The following ALPP variants were observed in gnomAD, a reference collection of about 807,000 sequenced individuals.
ALPP encodes the protein alkaline phosphatase, placental type.
In ALPP, 39 loss-of-function variants were observed where a neutral mutation model predicts 50.7. That is an observed-to-expected ratio of 0.77 (90% confidence interval 0.60 to 1.00). ALPP has a LOEUF of 1.00. Among genes scored for constraint, ALPP ranks in the 50% least tolerant of loss-of-function variants. ALPP has a pLI of 0.00. For synonymous variants in ALPP, 226 were observed against 320.3 expected (o/e 0.71, Z 3.14); for missense variants, 550 against 746.8 (o/e 0.74, Z 3.07).
rs1269117429 is a variant in ALPP at position 232,379,785 on chromosome 2, C to A, written c.506C>A (p.Thr169Asn). The A allele has an allele frequency of 2.5e-6, 4 of 1,613,916 alleles. No individual in the cohort carries two copies. The East Asian group carries it at 6.7e-5, about 27-fold the overall frequency. The change falls in exon 5 of 11, where the codon ACC (threonine) becomes AAC (asparagine). Residue 169 changes from threonine (T) to asparagine (N), a missense_variant. Thr to Asn is a moderately conservative substitution (Grantham distance 65). Transcript: ENST00000392027. ...TTAGGGAAGTCAGTGGGAGTGGTAA[C>A]CACCACACGAGTGCAGCACGCCTCG... Reference protein sequence around the residue: ...KKAGKSVGVVTTTRVQHASPA... With the variant: ...KKAGKSVGVVNTTRVQHASPA...
Position 232,379,515 on chromosome 2 carries a change from A to G in ALPP, c.312A>G (p.Thr104=). 1 of 1,614,066 alleles carries G rather than the reference A, an allele frequency of 6.2e-7. No homozygotes were observed. Among genetic ancestry groups the G allele is most frequent in the Non-Finnish European group, 8.5e-7 (1 of 1,180,018 alleles). The part of the protein sequence containing the change: ...DRFPYVALSK[T]YNVDKHVPDS... ...GCTCAGAGTGTCTCTGTCCCCAGACATACAATGTAGACAAACATGTGCCAG... is the reference window on the plus strand; with the variant it reads ...GCTCAGAGTGTCTCTGTCCCCAGACGTACAATGTAGACAAACATGTGCCAG... The change falls in exon 4 of 11, where the codon ACA becomes ACG. Residue 104 remains threonine (T), a splice_region_variant and synonymous_variant. Transcript: ENST00000392027.
chr2:232,381,551 C>G lies in ALPP; in HGVS notation c.1364C>G (p.Ala455Gly), dbSNP rs375864640. 3 of 1,613,020 alleles carry G rather than the reference C, an allele frequency of 1.9e-6. No homozygotes were observed. The highest frequency in any genetic ancestry group is 2.5e-6 in the Non-Finnish European group (3 of 1,179,824). Residue 455 changes from alanine to glycine, a missense_variant, in exon 11 of 11, where the codon GCA (alanine) becomes GGA (glycine). By Grantham distance (60) the Ala-to-Gly change is moderately conservative. Coordinates refer to ENST00000392027, the MANE Select transcript of ALPP (RefSeq NM_001632.5). ...GTGCCCCTGGACGAAGAGACCCACGCAGGCGAGGACGTGGCGGTGTTCGCG... is the reference window on the plus strand; with the variant it reads ...GTGCCCCTGGACGAAGAGACCCACGGAGGCGAGGACGTGGCGGTGTTCGCG... ...SAVPLDEETH[A>G]GEDVAVFARG...
rs771571344 is a variant in ALPP, at chr2:232,379,132, G to A, written c.193+45G>A. On this transcript the variant is annotated intron_variant, in intron 2 of 10. Transcript: ENST00000392027. ...CAGCCCTGCAGCCCTCACAGCCCCG[G>A]CGCCCGGACCCTCAGTGGTTCCAGG... 5.6e-6 allele frequency: 9 copies of A among 1,613,938 alleles called. No individual in the cohort carries two copies. The African/African-American group carries it at 1.2e-4, about 22-fold the overall frequency.
Position 232,381,359 on chromosome 2 carries a change from G to A in ALPP, c.1301G>A (p.Ser434Asn). 1 of 1,614,196 alleles carries A rather than the reference G, an allele frequency of 6.2e-7. No individual in the cohort carries two copies. Among genetic ancestry groups the A allele is most frequent in the Non-Finnish European group, 8.5e-7 (1 of 1,180,032 alleles). The change falls in exon 10 of 11, where the codon AGC (serine) becomes AAC (asparagine). Residue 434 changes from serine (S) to asparagine (N), a missense_variant. By Grantham distance (46) the Ser-to-Asn change is conservative. Coordinates refer to ENST00000392027, the MANE Select transcript of ALPP (RefSeq NM_001632.5). ...GGCGCCCGGCCGGATGTTACCGAGA[G>A]CGAGAGCGGTGAGTGCCGCGGGGTG... ...KDGARPDVTE[S>N]ESGSPEYRQQ...
chr2:232,380,213 A>G lies in ALPP; in HGVS notation c.685A>G (p.Met229Val), dbSNP rs374484845. 1.9e-6 allele frequency: 3 copies of G among 1,614,064 alleles called. No homozygotes were observed. The highest frequency in any genetic ancestry group is 1.7e-6 in the Non-Finnish European group (2 of 1,179,976). The change falls in exon 6 of 11, where the codon ATG (methionine) becomes GTG (valine). Residue 229 changes from methionine (M) to valine (V), a missense_variant. Around this residue, in one of 5 missense-constraint regions of ALPP, gnomAD observed 376 missense variants for 388.5 expected, o/e 0.97. Transcript: ENST00000392027. ...DVILGGGRKY[M>V]FRMGTPDPEY... is the part of the protein sequence containing the mutation. The stretch of plus-strand genomic sequence containing the variant: ...GATCCTAGGTGGAGGCCGAAAGTAC[A>G]TGTTTCGCATGGGAACCCCAGACCC...
Position 232,379,284 on chromosome 2 carries a change from T to C in ALPP, c.278T>C (p.Met93Thr). 2 of 1,614,094 alleles carry C rather than the reference T, an allele frequency of 1.2e-6. No individual in the cohort carries two copies. The highest frequency in any genetic ancestry group is 8.5e-7 in the Non-Finnish European group (1 of 1,180,014). Residue 93 changes from methionine (M) to threonine (T), a missense_variant, in exon 3 of 11, where the codon ATG becomes ACG. Around this residue, in one of 5 missense-constraint regions of ALPP, gnomAD observed 376 missense variants for 388.5 expected, o/e 0.97. Transcript: ENST00000392027. ...CTGGGGCCTGAGATACCCCTGGCCA[T>C]GGACCGCTTCCCATATGTGGCTCTG... is the stretch of plus-strand genomic sequence containing the variant. ...DKLGPEIPLA[M>T]DRFPYVALSK...
rs769063397 is a variant in ALPP at position 232,379,274 on chromosome 2, C to A, written c.268C>A (p.Pro90Thr). The change falls in exon 3 of 11, where the codon CCC (proline) becomes ACC (threonine). Residue 90 changes from proline to threonine, a missense_variant. Pro to Thr is a conservative substitution (Grantham distance 38). Transcript: ENST00000392027. Reference protein sequence around the residue: ...QKKDKLGPEIPLAMDRFPYVA... With the variant: ...QKKDKLGPEITLAMDRFPYVA... ...GAAGGACAAACTGGGGCCTGAGATA[C>A]CCCTGGCCATGGACCGCTTCCCATA... The A allele has an allele frequency of 6.2e-7, 1 of 1,614,060 alleles. No individual in the cohort carries two copies. Among genetic ancestry groups the A allele is most frequent in the Admixed American group, 1.7e-5 (1 of 60,016 alleles).
chr2:232,381,628 G>C lies in ALPP; in HGVS notation c.1441G>C (p.Ala481Pro), dbSNP rs1696715756. Residue 481 changes from alanine (A) to proline (P), a missense_variant, in exon 11 of 11, where the codon GCG becomes CCG. Transcript: ENST00000392027. ...CGGCGTGCAGGAGCAGACCTTCATA[G>C]CGCACGTCATGGCCTTCGCCGCCTG... is the stretch of plus-strand genomic sequence containing the variant. ...VHGVQEQTFI[A>P]HVMAFAACLE... 6.2e-7 allele frequency: 1 copy of C among 1,612,298 alleles called. No individual in the cohort carries two copies. Among genetic ancestry groups the C allele is most frequent in the Non-Finnish European group, 8.5e-7 (1 of 1,179,598 alleles).
chr2:232,381,487 C>T lies in ALPP; in HGVS notation c.1310-10C>T, dbSNP rs769242375. Reference sequence around the variant, plus strand: ...TGAACCCTCCTACCGGAACTGAACCCTCCAACCAGGGAGCCCCGAGTATCG... The same window carrying T: ...TGAACCCTCCTACCGGAACTGAACCTTCCAACCAGGGAGCCCCGAGTATCG... On this transcript the variant is annotated splice_polypyrimidine_tract_variant and intron_variant, in intron 10 of 10. Coordinates refer to ENST00000392027, the MANE Select transcript of ALPP (RefSeq NM_001632.5). 22 of 1,612,950 alleles carry T rather than the reference C, an allele frequency of 1.4e-5. No homozygotes were observed. The highest frequency in any genetic ancestry group is 1.6e-5 in the Non-Finnish European group (19 of 1,179,758).
At position 232,379,061 on chromosome 2, in the gene ALPP, AG is replaced by A. The variant is rs763519727; in HGVS notation, c.168del (p.Asn57ThrfsTer15). 1.2e-6 allele frequency: 2 copies of A among 1,614,006 alleles called. No homozygotes were observed. Among genetic ancestry groups the A allele is most frequent in the East Asian group, 4.5e-5 (2 of 44,880 alleles). On this transcript the variant is annotated frameshift_variant, in exon 2 of 11. Coordinates refer to ENST00000392027, the MANE Select transcript of ALPP (RefSeq NM_001632.5). LOFTEE classifies it high-confidence loss of function. ...KKLQPAQTAA[K>X]NLIIFLGDGM... ...CTGCAGCCTGCACAGACAGCCGCCAAGAACCTCATCATCTTCCTGGGCGATG... is the reference window on the plus strand; with the variant it reads ...CTGCAGCCTGCACAGACAGCCGCCAAAACCTCATCATCTTCCTGGGCGATG...
chr2:232,381,726 C>G lies in ALPP; in HGVS notation c.1539C>G (p.Ser513=). 3 of 1,600,892 alleles carry G rather than the reference C, an allele frequency of 1.9e-6. No individual in the cohort carries two copies. Among genetic ancestry groups the G allele is most frequent in the Non-Finnish European group, 2.6e-6 (3 of 1,175,320 alleles). The change falls in exon 11 of 11, where the codon TCC becomes TCG. Residue 513 remains serine, a synonymous_variant. Coordinates refer to ENST00000392027, the MANE Select transcript of ALPP (RefSeq NM_001632.5). Reference sequence around the variant, plus strand: ...CCGACGCCGCGCACCCGGGGCGGTCCGTGGTCCCCGCGTTGCTTCCTCTGC... The same window carrying G: ...CCGACGCCGCGCACCCGGGGCGGTCGGTGGTCCCCGCGTTGCTTCCTCTGC... ...GTTDAAHPGR[S]VVPALLPLLA... is the part of the protein sequence containing the mutation.
At position 232,381,329 on chromosome 2, in the gene ALPP, A is replaced by G; in HGVS notation, c.1271A>G (p.Lys424Arg). 6.2e-7 allele frequency: 1 copy of G among 1,614,152 alleles called. No individual in the cohort carries two copies. The highest frequency in any genetic ancestry group is 8.5e-7 in the Non-Finnish European group (1 of 1,180,020). ...LYGNGPGYVL[K>R]DGARPDVTES... ...GGAAACGGTCCAGGCTATGTGCTCAAGGACGGCGCCCGGCCGGATGTTACC... is the reference window on the plus strand; with the variant it reads ...GGAAACGGTCCAGGCTATGTGCTCAGGGACGGCGCCCGGCCGGATGTTACC... Residue 424 changes from lysine (K) to arginine (R), a missense_variant, in exon 10 of 11, where the codon AAG becomes AGG. Around this residue, in one of 5 missense-constraint regions of ALPP, gnomAD observed 155 missense variants for 167.6 expected, o/e 0.92. Coordinates refer to ENST00000392027, the MANE Select transcript of ALPP (RefSeq NM_001632.5).
rs768256257 is a variant in ALPP at position 232,381,780 on chromosome 2, G to A, written c.1593G>A (p.Thr531=). 10 of 1,582,494 alleles carry A rather than the reference G, an allele frequency of 6.3e-6. No homozygotes were observed. The highest frequency in any genetic ancestry group is 2.3e-5 in the East Asian group (1 of 44,040). ...CCGGGACCCTGCTGCTGCTGGAGAC[G>A]GCCACTGCTCCCTGAGTGTCCCGTC... is the stretch of plus-strand genomic sequence containing the variant. ...LLAGTLLLLE[T]ATAP The change falls in exon 11 of 11, where the codon ACG becomes ACA. Residue 531 remains threonine, a synonymous_variant. Coordinates refer to ENST00000392027, the MANE Select transcript of ALPP (RefSeq NM_001632.5).
chr2:232,381,735 C>T lies in ALPP; in HGVS notation c.1548C>T (p.Pro516=), dbSNP rs761814070. The change falls in exon 11 of 11, where the codon CCC becomes CCT. Residue 516 remains proline, a synonymous_variant. Transcript: ENST00000392027. The part of the protein sequence containing the change: ...DAAHPGRSVV[P]ALLPLLAGTL... ...CGCACCCGGGGCGGTCCGTGGTCCC[C>T]GCGTTGCTTCCTCTGCTGGCCGGGA... 2.5e-6 allele frequency: 4 copies of T among 1,598,922 alleles called. No homozygotes were observed. Among genetic ancestry groups the T allele is most frequent in the Non-Finnish European group, 2.6e-6 (3 of 1,174,752 alleles).
Position 232,381,711 on chromosome 2 carries a change from G to C in ALPP, c.1524G>C (p.Ala508=), listed in dbSNP as rs1696718811. 6.2e-7 allele frequency: 1 copy of C among 1,604,434 alleles called. No individual in the cohort carries two copies. The highest frequency in any genetic ancestry group is 8.5e-7 in the Non-Finnish European group (1 of 1,176,732). ...LAPPAGTTDA[A]HPGRSVVPAL... is the part of the protein sequence containing the mutation. ...CCCCCGCCGGCACCACCGACGCCGC[G>C]CACCCGGGGCGGTCCGTGGTCCCCG... is the stretch of plus-strand genomic sequence containing the variant. The change falls in exon 11 of 11, where the codon GCG becomes GCC. Residue 508 remains alanine (A), a synonymous_variant. Transcript: ENST00000392027.
rs1482273862 is a variant in ALPP at position 232,379,023 on chromosome 2, T to A, written c.129T>A (p.Gly43=). ...FWNREAAEAL[G]AAKKLQPAQT... ...ACCGCGAGGCAGCCGAGGCCCTGGG[T>A]GCCGCCAAGAAGCTGCAGCCTGCAC... The change falls in exon 2 of 11, where the codon GGT becomes GGA. Residue 43 remains glycine (G), a synonymous_variant. Transcript: ENST00000392027. 2 of 1,613,948 alleles carry A rather than the reference T, an allele frequency of 1.2e-6. No homozygotes were observed. The highest frequency in any genetic ancestry group is 1.7e-6 in the Non-Finnish European group (2 of 1,180,032).
chr2:232,379,548 A>T lies in ALPP; in HGVS notation c.345A>T (p.Gly115=). Residue 115 remains glycine, a synonymous_variant, in exon 4 of 11, where the codon GGA becomes GGT. Coordinates refer to ENST00000392027, the MANE Select transcript of ALPP (RefSeq NM_001632.5). ...TAGACAAACATGTGCCAGACAGTGG[A>T]GCCACAGCCACGGCCTACCTGTGCG... ...YNVDKHVPDS[G]ATATAYLCGV... 1.2e-6 allele frequency: 2 copies of T among 1,614,080 alleles called. No homozygotes were observed. Among genetic ancestry groups the T allele is most frequent in the East Asian group, 4.5e-5 (2 of 44,874 alleles).
rs1444279609 is a variant in ALPP, at chr2:232,379,020, G to A, written c.126G>A (p.Leu42=). The part of the protein sequence containing the change: ...DFWNREAAEA[L]GAAKKLQPAQ... ...GGAACCGCGAGGCAGCCGAGGCCCT[G>A]GGTGCCGCCAAGAAGCTGCAGCCTG... The change falls in exon 2 of 11, where the codon CTG becomes CTA. Residue 42 remains leucine (L), a synonymous_variant. Coordinates refer to ENST00000392027, the MANE Select transcript of ALPP (RefSeq NM_001632.5). 2 of 1,614,028 alleles carry A rather than the reference G, an allele frequency of 1.2e-6. No homozygotes were observed. The highest frequency in any genetic ancestry group is 4.5e-5 in the East Asian group (2 of 44,888).
rs781682267 is a variant in ALPP at position 232,379,643 on chromosome 2, G to A, written c.440G>A (p.Arg147His). Residue 147 changes from arginine (R) to histidine (H), a missense_variant, in exon 4 of 11, where the codon CGC (arginine) becomes CAC (histidine). By Grantham distance (29) the Arg-to-His change is conservative. Transcript: ENST00000392027. ...CGCTTTAACCAGTGCAACACGACAC[G>A]CGGCAACGAGGTCATCTCCGTGATG... ...AARFNQCNTT[R>H]GNEVISVMNR... The A allele has an allele frequency of 1.6e-5, 26 of 1,613,894 alleles. No homozygotes were observed. The East Asian group carries it at 2.7e-4, about 17-fold the overall frequency.
Sources: gnomAD v4.1 joint callset for allele counts on GRCh38, gnomAD v4.1.1 for gene constraint, gnomAD v4.1.1 regional missense constraint, MANE v1.5 for transcripts, NCBI Gene and HGNC (gene_info 2026-07-23, HGNC 2026-07-21) for gene names.